Variants in PDE4D observed in about 807,000 individuals in gnomAD.
The protein encoded by PDE4D is phosphodiesterase 4D.
A neutral mutation model predicts 87.4 loss-of-function variants in PDE4D; 24 were observed. The observed-to-expected ratio is 0.27, with a 90% CI of 0.20 to 0.39. The LOEUF is 0.39. Ranked by LOEUF, PDE4D falls within the 10% of genes least tolerant of loss-of-function variation. The pLI, the probability that PDE4D is intolerant of heterozygous loss-of-function variation, is 1.00. For missense variants in PDE4D, 714 were observed against 1,041.0 expected, an observed-to-expected ratio of 0.69 and a Z score of 4.32; for synonymous variants, 384 against 383.2, an observed-to-expected ratio of 1.00 and a Z score of -0.02.
At chr5:60,013,281 C>A (rs1245601450) in intron 2 of PDE4D, among the ~76,000 whole-genome samples, 1 of 152,178 alleles carries the variant, frequency 6.6e-6, no homozygotes, top group Non-Finnish European at 1.5e-5. Flanking sequence ...TAACACCAAC[C>A]TTTCTTCTCA....
intron 1 of PDE4D, among the ~76,000 whole-genome samples, chr5:59,288,072 A>G (rs964326207): frequency 6.6e-6 from 1 of 152,080 alleles, no homozygotes; most frequent in Non-Finnish European, 1.5e-5. Context: ...ACGAACATCC[A>G]CAAGCATAAA....
chr5:60,142,222 G>A (rs927039062), intron 2 of PDE4D, among the ~76,000 whole-genome samples: 10 of 147,048 alleles, frequency 6.8e-5, no homozygotes, highest in African/African-American at 2.5e-4. Context: ...GGGAGGGAGA[G>A]AGGGAGGGAG....
intron 1 of PDE4D, among the ~76,000 whole-genome samples, chr5:59,270,864 C>T (rs996176561): frequency 6.6e-6 from 1 of 152,114 alleles, no homozygotes; most frequent in African/African-American, 2.4e-5. Context: ...AGCCTATGAC[C>T]TTGCTCAAGT....
At chr5:59,432,152 T>G (rs928903563) in intron 1 of PDE4D, among the ~76,000 whole-genome samples, 3 of 152,126 alleles carry the variant, frequency 2.0e-5, no homozygotes, top group Admixed American at 6.6e-5. Context: ...GACAGCAAAC[T>G]TTTTATTTAT....
rs1219370587 is a variant in PDE4D, at chr5:59,574,128, T to TTA, written c.455+319038_455+319039dup. Among the ~76,000 whole-genome samples, 19 of 3,832 alleles carry TTA rather than the reference T, an allele frequency of 5.0e-3. 1 individual carries two copies. The highest frequency in any genetic ancestry group is 9.4e-3 in the East Asian group (2 of 212). The allele number at this position is 3,832 out of a possible 152,430, so 2.5% of individuals were successfully genotyped here. A position where few individuals can be genotyped will look rare whatever the true frequency, so the allele number is the denominator to read the frequency against. The stretch of plus-strand genomic sequence containing the variant: ...TTTATATATATATATAAATATATAT[T>TTA]TATATATATATATATAAATATATAT... On this transcript the variant is annotated intron_variant, in intron 1 of 14. Transcript: ENST00000340635.
intron 5 of PDE4D, among the ~76,000 whole-genome samples, chr5:59,095,455 C>T (rs1210589146): frequency 6.6e-6 from 1 of 151,948 alleles, no homozygotes; most frequent in Non-Finnish European, 1.5e-5. Flanking sequence ...ACTAGAGATA[C>T]TATTATATTA....
At chr5:59,481,744 CA>C (rs574492549) in intron 1 of PDE4D, among the ~76,000 whole-genome samples, 202 of 152,130 alleles carry the variant, frequency 1.3e-3, no homozygotes, top group Admixed American at 3.6e-3. Context: ...TTATTGACCA[CA>C]GTCCCTTTGT....
intron 5 of PDE4D, among the ~76,000 whole-genome samples, chr5:59,116,598 C>T (rs1292710712): frequency 6.6e-6 from 1 of 152,090 alleles, no homozygotes; most frequent in Non-Finnish European, 1.5e-5. Context: ...TCGGAAACAC[C>T]CCTCAGCATT....
intron 1 of PDE4D, among the ~76,000 whole-genome samples, chr5:59,561,640 T>C (rs1207083026): frequency 6.6e-6 from 1 of 152,146 alleles, no homozygotes; most frequent in Admixed American, 6.6e-5. Flanking sequence ...TTAAAATATT[T>C]TAAAAGGGAC....
intron 1 of PDE4D, among the ~76,000 whole-genome samples, chr5:59,453,695 T>C (rs1799494033): frequency 1.3e-5 from 2 of 152,192 alleles, no homozygotes; most frequent in African/African-American, 4.8e-5. Flanking sequence ...GAAGAAAAGG[T>C]TGAAGCCAGC....
chr5:59,852,244 T>C (rs1337319679), intron 1 of PDE4D, among the ~76,000 whole-genome samples: 2 of 152,038 alleles, frequency 1.3e-5, no homozygotes, highest in African/African-American at 4.8e-5. Context: ...TCTCTGGGAA[T>C]TCATTCTTTT....
At chr5:60,441,955 G>A (rs568706798) in intron 1 of PDE4D, among the ~76,000 whole-genome samples, 1 of 152,174 alleles carries the variant, frequency 6.6e-6, no homozygotes, top group Non-Finnish European at 1.5e-5. Flanking sequence ...TGCTGGAGAG[G>A]ATGTGGAGAA....
intron 1 of PDE4D, among the ~76,000 whole-genome samples, chr5:59,416,109 C>G (rs1793563148): frequency 6.6e-6 from 1 of 152,202 alleles, no homozygotes; most frequent in Non-Finnish European, 1.5e-5. Flanking sequence ...TCCCTACTCT[C>G]TTGTCCGGGT....
At chr5:60,486,600 T>C (rs1235439425) in intron 1 of PDE4D, among the ~76,000 whole-genome samples, 1 of 152,190 alleles carries the variant, frequency 6.6e-6, no homozygotes, top group Non-Finnish European at 1.5e-5. Flanking sequence ...CACAAAATTA[T>C]GCAAAACACA....
chr5:60,273,211 A>C (rs1443609710), intron 1 of PDE4D, among the ~76,000 whole-genome samples: 1 of 152,132 alleles, frequency 6.6e-6, no homozygotes, highest in Non-Finnish European at 1.5e-5. Flanking sequence ...TGAGAGAGGC[A>C]GGGTCAAGGA....
intron 1 of PDE4D, among the ~76,000 whole-genome samples, chr5:59,707,495 T>A (rs72751226): frequency 0.19 from 28,483 of 152,032 alleles, 3,200 homozygotes; most frequent in South Asian, 0.26. Flanking sequence ...GAAATAAGAT[T>A]TTTTTTAGGT....
At chr5:59,185,056 C>T (rs531405330) in intron 4 of PDE4D, 133 bp downstream of exon 4, 60 of 606,934 alleles carry the variant, frequency 9.9e-5, no homozygotes, top group Admixed American at 1.6e-4. Flanking sequence ...AACAGGACAT[C>T]ATATGACTTA....
At chr5:59,277,252 C>T (rs1764996273) in intron 1 of PDE4D, among the ~76,000 whole-genome samples, 1 of 152,146 alleles carries the variant, frequency 6.6e-6, no homozygotes, top group Non-Finnish European at 1.5e-5. Flanking sequence ...GCATTTGTGA[C>T]TTAGTCTTCT....
At chr5:60,187,148 C>T (rs887605629) in intron 1 of PDE4D, among the ~76,000 whole-genome samples, 1 of 152,162 alleles carries the variant, frequency 6.6e-6, no homozygotes, top group Non-Finnish European at 1.5e-5. Context: ...AAGAAAAATG[C>T]ACAATCAAAT....
Sources: allele counts gnomAD v4.1 joint callset (sites outside exome capture counted in the v4.1 genomes callset), GRCh38; gene constraint gnomAD v4.1.1; transcripts MANE v1.5; gene names NCBI Gene and HGNC (gene_info 2026-07-23, HGNC 2026-07-21).